Variants in ATP8B1 observed in about 807,000 individuals in gnomAD.
ATP8B1 encodes the protein ATPase phospholipid transporting 8B1.
In ATP8B1, 80 loss-of-function variants were observed where a neutral mutation model predicts 149.9. The observed-to-expected ratio is 0.53, with a 90% CI of 0.45 to 0.64. ATP8B1 has a LOEUF of 0.64. Ranked by LOEUF, ATP8B1 falls within the 30% of genes least tolerant of loss-of-function variation. The probability of loss-of-function intolerance (pLI) is 0.00; values close to 1 mark genes in which losing one functional copy is unlikely to be tolerated. For missense variants in ATP8B1, 1,247 were observed against 1,552.6 expected (o/e 0.80, Z 3.31); for synonymous variants, 536 against 562.8 (o/e 0.95, Z 0.67).
intron 4 of ATP8B1, among the ~76,000 whole-genome samples, chr18:57,702,627 G>A (rs1913183548): frequency 6.6e-6 from 1 of 152,190 alleles, no homozygotes; most frequent in Non-Finnish European, 1.5e-5. Context: ...GGAGGCCGAG[G>A]TGGGCGGATC....
Position 57,652,073 on chromosome 18 carries a change from C to T in ATP8B1, c.3361G>A (p.Gly1121Arg). ...FGIMFDFHSA[G>R]IHVLFPSAFQ... ...GCAGATGGAAAGAGAACATGTATTC[C>T]AGCACTATGAAAGTCAAACATGATG... Residue 1121 changes from glycine (G) to arginine (R), a missense_variant, in exon 26 of 28, where the codon GGA (glycine) becomes AGA (arginine). Transcript: ENST00000648908. The T allele has an allele frequency of 6.2e-7, 1 of 1,613,890 alleles. No individual in the cohort carries two copies. Among genetic ancestry groups the T allele is most frequent in the Non-Finnish European group, 8.5e-7 (1 of 1,179,958 alleles).
intron 1 of ATP8B1, among the ~76,000 whole-genome samples, chr18:57,788,053 G>A (rs995650532): frequency 3.9e-5 from 6 of 152,026 alleles, no homozygotes; most frequent in African/African-American, 7.2e-5. Context: ...AACTGAATAC[G>A]GAATGAACAA....
chr18:57,667,284 C>A, intron 19 of ATP8B1, 117 bp from the exon 20 acceptor site: 3 of 783,030 alleles, frequency 3.8e-6, no homozygotes, highest in Non-Finnish European at 6.4e-6. Flanking sequence ...GTGGCACAAT[C>A]TCTGCTCACT....
In ATP8B1 at chr18:57,651,640, G is replaced by GT. The variant is rs201359186; in HGVS notation, c.3400+393dup. On this transcript the variant is annotated intron_variant, in intron 26 of 27. Transcript: ENST00000648908. The stretch of plus-strand genomic sequence containing the variant: ...TGTTTTGTTGTGCTTTGTTTTTTTT[G>GT]TTTTTTTTTTGAGACAGGGTCCCGC... 4.5e-3 allele frequency among the ~76,000 whole-genome samples: 656 copies of GT among 145,408 alleles called. 13 individuals carry two copies. In the East Asian group the frequency reaches 0.048, roughly 11 times the overall value.
chr18:57,732,408 A>G (rs1220312546), intron 1 of ATP8B1, among the ~76,000 whole-genome samples: 8 of 150,128 alleles, frequency 5.3e-5, no homozygotes, highest in Non-Finnish European at 1.2e-4. Flanking sequence ...GGGGGTCTCA[A>G]TGAAATAAAT....
rs1452167609 is a variant in ATP8B1 at position 57,750,675 on chromosome 18, CTT to C, written c.-25-18845_-25-18844del. 2.0e-5 allele frequency among the ~76,000 whole-genome samples: 3 copies of C among 152,340 alleles called. No individual in the cohort carries two copies. In the East Asian group the frequency reaches 5.8e-4, roughly 29 times the overall value. ...ACCCATCCTCAGAGTCCAACCTACTCTTTTCCTCCTTCATCTTAACAGACGTG... is the reference window on the plus strand; with the variant it reads ...ACCCATCCTCAGAGTCCAACCTACTCTTCCTCCTTCATCTTAACAGACGTG... On this transcript the variant is annotated intron_variant, in intron 1 of 27. Transcript: ENST00000648908.
At chr18:57,653,938 C>A in intron 24 of ATP8B1, 54 bp downstream of exon 24, 1 of 1,492,440 alleles carries the variant, frequency 6.7e-7, no homozygotes, top group East Asian at 2.3e-5. Flanking sequence ...CTTGGGACTT[C>A]TCTAACGCAT....
intron 1 of ATP8B1, among the ~76,000 whole-genome samples, chr18:57,774,580 AGT>A (rs1228162230): frequency 1.3e-5 from 2 of 151,756 alleles, no homozygotes; most frequent in East Asian, 3.9e-4. Context: ...TGGGCGACAG[AGT>A]GTGAGACTCC....
In ATP8B1 at chr18:57,691,873, C is replaced by G. The variant is rs376838387; in HGVS notation, c.1154G>C (p.Gly385Ala). ...DGEDDTPSYRGFLIFWGYIIV... is the reference protein window; with the variant it reads ...DGEDDTPSYRAFLIFWGYIIV... ...GATATAGCCCCAGAAAATGAGGAATCCACGGTAGGAGGGTGTATCGTCTTC... is the reference window on the plus strand; with the variant it reads ...GATATAGCCCCAGAAAATGAGGAATGCACGGTAGGAGGGTGTATCGTCTTC... Residue 385 changes from glycine (G) to alanine (A), a missense_variant, in exon 12 of 28, where the codon GGA (glycine) becomes GCA (alanine). Physicochemically the swap from Gly to Ala is moderately conservative, Grantham distance 60. Transcript: ENST00000648908. 6.2e-7 allele frequency: 1 copy of G among 1,613,992 alleles called. No individual in the cohort carries two copies. Among genetic ancestry groups the G allele is most frequent in the African/African-American group, 1.3e-5 (1 of 74,900 alleles).
intron 1 of ATP8B1, among the ~76,000 whole-genome samples, chr18:57,766,596 T>G (rs1224129852): frequency 3.9e-5 from 6 of 152,194 alleles, no homozygotes; most frequent in Non-Finnish European, 8.8e-5. Flanking sequence ...TCTGGTGGGC[T>G]TGTTGAGCAC....
chr18:57,743,897 C>T (rs568381383), intron 1 of ATP8B1, among the ~76,000 whole-genome samples: 5 of 152,178 alleles, frequency 3.3e-5, no homozygotes, highest in Non-Finnish European at 7.4e-5. Flanking sequence ...CAAAAGTCAC[C>T]CTGGAAACAG....
chr18:57,672,888 AT>A, intron 16 of ATP8B1, among the ~76,000 whole-genome samples: 3 of 10,602 alleles, frequency 2.8e-4, no homozygotes, highest in African/African-American at 3.5e-4. Context: ...AAAAAAAAGT[AT>A]ATATATATAT....
At position 57,794,033 on chromosome 18, in the gene ATP8B1, G is replaced by A. The variant is rs539050831; in HGVS notation, c.-26+8965C>T. Among the ~76,000 whole-genome samples the A allele has an allele frequency of 2.6e-5, 4 of 152,346 alleles. No homozygotes were observed. In the South Asian group the frequency reaches 8.3e-4, roughly 32 times the overall value. ...CAAATAAAGTATCAGATCGCCAAGA[G>A]ATTAACCATGTTAACCCCAGTATTC... On this transcript the variant is annotated intron_variant, in intron 1 of 27. Transcript: ENST00000648908.
chr18:57,707,499 A>G (rs1295373009), intron 2 of ATP8B1, among the ~76,000 whole-genome samples: 1 of 152,104 alleles, frequency 6.6e-6, no homozygotes. Context: ...AGATGGGAAT[A>G]TATTAAAAGA....
intron 1 of ATP8B1, among the ~76,000 whole-genome samples, chr18:57,786,738 C>T (rs200368565): frequency 1.3e-5 from 2 of 152,222 alleles, no homozygotes; most frequent in Admixed American, 6.5e-5. Flanking sequence ...ATCTCGGCCT[C>T]CCAAAGTGCT....
chr18:57,684,261 T>C, intron 14 of ATP8B1, 69 bp from the exon 15 acceptor site: 2 of 1,506,086 alleles, frequency 1.3e-6, no homozygotes, highest in South Asian at 2.4e-5. Flanking sequence ...TGACATGAAC[T>C]TTTCTTCAAA....
At chr18:57,785,641 G>C (rs2080399938) in intron 1 of ATP8B1, among the ~76,000 whole-genome samples, 1 of 152,194 alleles carries the variant, frequency 6.6e-6, no homozygotes, top group Non-Finnish European at 1.5e-5. Flanking sequence ...GAGTAGCTGG[G>C]ATTACAGGCG....
intron 1 of ATP8B1, among the ~76,000 whole-genome samples, chr18:57,786,179 A>C (rs1438172593): frequency 2.0e-5 from 3 of 152,208 alleles, no homozygotes; most frequent in Admixed American, 6.5e-5. Context: ...TATTCTCACC[A>C]AGGTGGCCAC....
chr18:57,656,871 GGA>G (rs1910038689), intron 22 of ATP8B1, among the ~76,000 whole-genome samples: 1 of 151,316 alleles, frequency 6.6e-6, no homozygotes, highest in African/African-American at 2.4e-5. Context: ...AGAGAGAAGG[GGA>G]GAGAGACAGA....
Sources: gnomAD v4.1 joint callset for allele counts (sites outside exome capture counted in the v4.1 genomes callset) on GRCh38, gnomAD v4.1.1 for gene constraint, MANE v1.5 for transcripts, NCBI Gene and HGNC (gene_info 2026-07-23, HGNC 2026-07-21) for gene names.